Variants in PDZRN3 observed in about 807,000 individuals in gnomAD.
The protein encoded by PDZRN3 is PDZ domain containing ring finger 3.
PDZRN3 carries 38 observed loss-of-function variants against 85.7 expected under a neutral mutation model. That is an observed-to-expected ratio of 0.44 (90% CI 0.34 to 0.58). PDZRN3 has a LOEUF of 0.58. Among genes scored for constraint, PDZRN3 ranks in the 20% least tolerant of loss-of-function variants. PDZRN3 has a pLI of 0.01. For missense variants in PDZRN3, 1,629 were observed against 1,506.4 expected (o/e 1.08, Z -1.35); for synonymous variants, 759 against 638.0 (o/e 1.19, Z -2.86).
chr3:73,464,531 C>T (rs1345366294), intron 3 of PDZRN3, among the ~76,000 whole-genome samples: 1 of 152,136 alleles, frequency 6.6e-6, no homozygotes, highest in Non-Finnish European at 1.5e-5. Flanking sequence ...GTAATTATAT[C>T]ATCTATAAAT....
rs1229945111 is a variant in PDZRN3, at chr3:73,554,830, C to T, written c.918+47524G>A. 3.9e-5 allele frequency among the ~76,000 whole-genome samples: 6 copies of T among 152,172 alleles called. No homozygotes were observed. The East Asian group carries it at 5.8e-4, about 15-fold the overall frequency. On this transcript the variant is annotated intron_variant, in intron 3 of 9. Coordinates refer to ENST00000263666, the MANE Select transcript of PDZRN3 (RefSeq NM_015009.3). ...TGATCAAACTACCAGATTCTTAAAA[C>T]GTGTTGCTTTTACATCATGCCAAAT... is the stretch of plus-strand genomic sequence containing the variant.
At chr3:73,478,291 T>C (rs1217125926) in intron 3 of PDZRN3, among the ~76,000 whole-genome samples, 1 of 152,174 alleles carries the variant, frequency 6.6e-6, no homozygotes, top group East Asian at 1.9e-4. Flanking sequence ...TCCCCATCAC[T>C]TGCATCACCA....
intron 3 of PDZRN3, among the ~76,000 whole-genome samples, chr3:73,455,800 C>G (rs1176850474): frequency 1.3e-5 from 2 of 152,208 alleles, no homozygotes; most frequent in African/African-American, 2.4e-5. Context: ...AAAAGGTACA[C>G]TTTCTTCGCT....
intron 3 of PDZRN3, among the ~76,000 whole-genome samples, chr3:73,587,114 T>C (rs1575751995): frequency 6.6e-6 from 1 of 152,232 alleles, no homozygotes; most frequent in Non-Finnish European, 1.5e-5. Flanking sequence ...GGCACAGCCC[T>C]ATCCTCCAAA....
chr3:73,518,034 G>A, intron 3 of PDZRN3, among the ~76,000 whole-genome samples: 1 of 152,190 alleles, frequency 6.6e-6, no homozygotes, highest in East Asian at 1.9e-4. Flanking sequence ...GGAAAGCAGG[G>A]TCTTGAAGAG....
rs541533965 is a variant in PDZRN3, at chr3:73,442,786, G to A, written c.919-38391C>T. Among the ~76,000 whole-genome samples, 20 of 152,134 alleles carry A rather than the reference G, an allele frequency of 1.3e-4. No individual in the cohort carries two copies. In the East Asian group the frequency reaches 3.9e-3, roughly 29 times the overall value. On this transcript the variant is annotated intron_variant, in intron 3 of 9. Coordinates refer to ENST00000263666, the MANE Select transcript of PDZRN3 (RefSeq NM_015009.3). The stretch of plus-strand genomic sequence containing the variant: ...ATGTGACAAAAATGAGCAGAAGCAG[G>A]GTAAAGCTGTCCCTTGAGATGGGGT...
intron 3 of PDZRN3, among the ~76,000 whole-genome samples, chr3:73,522,337 C>G (rs1704388143): frequency 6.6e-6 from 1 of 152,164 alleles, no homozygotes; most frequent in African/African-American, 2.4e-5. Flanking sequence ...TTTAGACTTT[C>G]CAGTTACTGA....
chr3:73,619,660 T>C (rs560289986), intron 1 of PDZRN3, among the ~76,000 whole-genome samples: 8 of 152,200 alleles, frequency 5.3e-5, no homozygotes, highest in African/African-American at 1.4e-4. Context: ...CAGGGGCACA[T>C]GCATCGACTC....
intron 3 of PDZRN3, among the ~76,000 whole-genome samples, chr3:73,488,037 T>C (rs35576703): frequency 2.1e-3 from 318 of 149,856 alleles, no homozygotes; most frequent in Non-Finnish European, 3.8e-3. Context: ...ACGGTGGCAC[T>C]AGGCTTTTAT....
In PDZRN3 at chr3:73,382,512, A is replaced by C. The variant is rs1175760305; in HGVS notation, c.*853T>G. On this transcript the variant is annotated 3_prime_UTR_variant, in exon 10 of 10. Coordinates refer to ENST00000263666, the MANE Select transcript of PDZRN3 (RefSeq NM_015009.3). ...AAAACATATCAAATAGAAAATAATA[A>C]TTTATTTTAACTTCATTTTACTGTT... The C allele has an allele frequency of 6.6e-6, 1 of 152,664 alleles. No individual in the cohort carries two copies. The highest frequency in any genetic ancestry group is 1.9e-4 in the East Asian group (1 of 5,196). The allele number at this position is 152,664 out of a possible 1,614,324, so 9.5% of individuals were successfully genotyped here.
At chr3:73,395,833 C>T (rs1250890948) in intron 5 of PDZRN3, among the ~76,000 whole-genome samples, 3 of 152,148 alleles carry the variant, frequency 2.0e-5, no homozygotes, top group Admixed American at 6.5e-5. Flanking sequence ...CTACTATATG[C>T]CAGACATGGT....
intron 5 of PDZRN3, among the ~76,000 whole-genome samples, chr3:73,398,531 A>C (rs17011089): frequency 0.033 from 4,964 of 152,138 alleles, 282 homozygotes; most frequent in African/African-American, 0.11. Context: ...CTCTACTTTG[A>C]CCAGCCAGGC....
chr3:73,418,116 G>A lies in PDZRN3; in HGVS notation c.919-13721C>T, dbSNP rs191048190. 4.3e-3 allele frequency among the ~76,000 whole-genome samples: 656 copies of A among 152,260 alleles called. 3 individuals are homozygous for A. The highest frequency in any genetic ancestry group is 7.3e-3 in the Non-Finnish European group (497 of 68,022). On this transcript the variant is annotated intron_variant, in intron 3 of 9. Transcript: ENST00000263666. The stretch of plus-strand genomic sequence containing the variant: ...TCACCTGTAAAATGGGAAATAAAAT[G>A]ACTCACCCTCTCGACTTCACAGGCA...
Position 73,383,261 on chromosome 3 carries a change from G to A in PDZRN3, c.*104C>T. 9.2e-7 allele frequency: 1 copy of A among 1,082,174 alleles called. No homozygotes were observed. Among genetic ancestry groups the A allele is most frequent in the Non-Finnish European group, 1.3e-6 (1 of 740,840 alleles). 67.0% of individuals were successfully genotyped at this position (1,082,174 alleles called of 1,614,324 possible). Reference sequence around the variant, plus strand: ...TGCAAATTTGGACTATAAACATGAAGACCGTACTTATCTTATATACAAAAA... The same window carrying A: ...TGCAAATTTGGACTATAAACATGAAAACCGTACTTATCTTATATACAAAAA... On this transcript the variant is annotated 3_prime_UTR_variant, in exon 10 of 10. Coordinates refer to ENST00000263666, the MANE Select transcript of PDZRN3 (RefSeq NM_015009.3).
At chr3:73,405,520 T>TA (rs1484309705) in intron 3 of PDZRN3, among the ~76,000 whole-genome samples, 1 of 152,192 alleles carries the variant, frequency 6.6e-6, no homozygotes, top group African/African-American at 2.4e-5. Context: ...TTGGTTGGTT[T>TA]TTAAAAAGCA....
Position 73,384,241 on chromosome 3 carries a change from G to T in PDZRN3, c.2325C>A (p.Pro775=). The change falls in exon 10 of 10, where the codon CCC becomes CCA. Residue 775 remains proline, a synonymous_variant. Coordinates refer to ENST00000263666, the MANE Select transcript of PDZRN3 (RefSeq NM_015009.3). The part of the protein sequence containing the change: ...RSTPLTLEIS[P]DNSLRRAAEG... Reference sequence around the variant, plus strand: ...CCGCCGCTCTCCTCAAGGAGTTGTCGGGGGAGATCTCCAGGGTGAGCGGGG... The same window carrying T: ...CCGCCGCTCTCCTCAAGGAGTTGTCTGGGGAGATCTCCAGGGTGAGCGGGG... 6.2e-7 allele frequency: 1 copy of T among 1,613,250 alleles called. No homozygotes were observed.
intron 3 of PDZRN3, among the ~76,000 whole-genome samples, chr3:73,472,664 A>G (rs1575676948): frequency 6.6e-6 from 1 of 152,222 alleles, no homozygotes; most frequent in East Asian, 1.9e-4. Context: ...GAAAGTTGCT[A>G]ATCAATTTAG....
At chr3:73,611,605 A>G (rs533322735) in intron 1 of PDZRN3, among the ~76,000 whole-genome samples, 53 of 152,348 alleles carry the variant, frequency 3.5e-4, no homozygotes, top group African/African-American at 1.3e-3. Flanking sequence ...GATTCGACAC[A>G]GGATGCAGGG....
At chr3:73,461,043 C>T (rs542554407) in intron 3 of PDZRN3, among the ~76,000 whole-genome samples, 100 of 152,298 alleles carry the variant, frequency 6.6e-4, no homozygotes, top group Non-Finnish European at 1.0e-3. Context: ...ATCAAGCCAC[C>T]TTGGCCTCCC....
Sources: allele counts gnomAD v4.1 joint callset (sites outside exome capture counted in the v4.1 genomes callset), GRCh38; gene constraint gnomAD v4.1.1; transcripts MANE v1.5; gene names NCBI Gene and HGNC (gene_info 2026-07-23, HGNC 2026-07-21).